Variants in NTNG1 observed in about 807,000 individuals in gnomAD.
NTNG1 encodes the protein netrin-G1.
NTNG1 carries 16 observed loss-of-function variants against 54.0 expected under a neutral mutation model. That is an observed-to-expected ratio of 0.30 (90% CI 0.20 to 0.45). The LOEUF (loss-of-function observed/expected upper bound fraction) is 0.45, where lower values mean the gene tolerates loss of function less well. Among genes scored for constraint, NTNG1 ranks in the 20% least tolerant of loss-of-function variants. The pLI, the probability that NTNG1 is intolerant of heterozygous loss-of-function variation, is 1.00. For missense variants in NTNG1, 530 were observed against 678.7 expected, an observed-to-expected ratio of 0.78 and a Z score of 2.43; for synonymous variants, 255 against 263.1, an observed-to-expected ratio of 0.97 and a Z score of 0.30.
At chr1:107,470,068 T>TAAAAAA in intron 7 of NTNG1, among the ~76,000 whole-genome samples, 1 of 152,134 alleles carries the variant, frequency 6.6e-6, no homozygotes, top group Non-Finnish European at 1.5e-5. Context: ...CTCTGATGGT[T>TAAAAAA]CCATTCACAT....
intron 2 of NTNG1, among the ~76,000 whole-genome samples, chr1:107,284,305 G>A (rs957001624): frequency 6.6e-6 from 1 of 152,090 alleles, no homozygotes; most frequent in African/African-American, 2.4e-5. Flanking sequence ...AACATCAGGA[G>A]AATTTGGGCC....
chr1:107,421,058 C>G (rs754828477), intron 5 of NTNG1: 3 of 1,553,798 alleles, frequency 1.9e-6, no homozygotes, highest in Non-Finnish European at 2.7e-6. Context: ...TTCTAATTTA[C>G]TGTTCATTCT....
At chr1:107,184,597 T>C (rs1657314642) in intron 2 of NTNG1, among the ~76,000 whole-genome samples, 1 of 152,134 alleles carries the variant, frequency 6.6e-6, no homozygotes, top group Admixed American at 6.5e-5. Context: ...TCAATTTATA[T>C]ATCCACTACA....
intron 2 of NTNG1, among the ~76,000 whole-genome samples, chr1:107,201,040 AT>A (rs566368851): frequency 6.6e-6 from 1 of 151,720 alleles, no homozygotes; most frequent in Non-Finnish European, 1.5e-5. Context: ...AATTTTTTCA[AT>A]TTTTTTAAAA....
intron 1 of NTNG1, among the ~76,000 whole-genome samples, chr1:107,144,104 A>G (rs1653937286): frequency 6.6e-6 from 1 of 152,158 alleles, no homozygotes; most frequent in Admixed American, 6.5e-5. Flanking sequence ...TAAGTTGACT[A>G]GAAAATGCTT....
chr1:107,162,948 A>G (rs1215375034), intron 2 of NTNG1, among the ~76,000 whole-genome samples: 1 of 152,192 alleles, frequency 6.6e-6, no homozygotes, highest in Admixed American at 6.5e-5. Context: ...GTGTAACTGT[A>G]ATAAATTTGG....
At chr1:107,210,858 TC>T (rs1659553466) in intron 2 of NTNG1, among the ~76,000 whole-genome samples, 2 of 152,134 alleles carry the variant, frequency 1.3e-5, no homozygotes, top group African/African-American at 4.8e-5. Flanking sequence ...AGCAGTTCCT[TC>T]CATGTTCCTG....
chr1:107,141,189 C>CG (rs1474336303), intron 1 of NTNG1, 49 bp downstream of exon 1: 1 of 151,904 alleles, frequency 6.6e-6, no homozygotes, highest in African/African-American at 2.4e-5. Context: ...TCTCGGTCCT[C>CG]GGGGTCCTCT....
At chr1:107,264,602 T>C (rs1663606563) in intron 2 of NTNG1, among the ~76,000 whole-genome samples, 1 of 152,264 alleles carries the variant, frequency 6.6e-6, no homozygotes, top group South Asian at 2.1e-4. Flanking sequence ...CCATAGCTCC[T>C]TGTGCTTATT....
chr1:107,173,460 C>A (rs1316137099), intron 2 of NTNG1, among the ~76,000 whole-genome samples: 1 of 152,026 alleles, frequency 6.6e-6, no homozygotes, highest in Non-Finnish European at 1.5e-5. Flanking sequence ...AAGGATTGGG[C>A]CTAAATTTCT....
chr1:107,407,036 G>T (rs1227768526), intron 4 of NTNG1, among the ~76,000 whole-genome samples: 2 of 152,156 alleles, frequency 1.3e-5, no homozygotes, highest in Non-Finnish European at 2.9e-5. Flanking sequence ...TAAAGTGAAA[G>T]CTGAAAAATC....
intron 3 of NTNG1, among the ~76,000 whole-genome samples, chr1:107,341,283 T>C (rs531161848): frequency 2.2e-4 from 34 of 152,228 alleles, no homozygotes; most frequent in African/African-American, 7.5e-4. Context: ...TTATATTAAT[T>C]CTACTATATA....
At chr1:107,477,186 CTCTGAA>C (rs1286318598) in intron 7 of NTNG1, among the ~76,000 whole-genome samples, 2 of 152,184 alleles carry the variant, frequency 1.3e-5, no homozygotes, top group Non-Finnish European at 2.9e-5. Flanking sequence ...CTGCAGCTGC[CTCTGAA>C]ATGCTGAGTA....
intron 2 of NTNG1, among the ~76,000 whole-genome samples, chr1:107,176,539 A>T (rs1656663374): frequency 1.3e-5 from 2 of 152,158 alleles, no homozygotes; most frequent in Admixed American, 6.5e-5. Flanking sequence ...ATCTGACAGG[A>T]TGAACTGCAT....
rs115684641 is a variant in NTNG1 at position 107,342,885 on chromosome 1, C to T, written c.887+17963C>T. Among the ~76,000 whole-genome samples, 899 of 152,190 alleles carry T rather than the reference C, an allele frequency of 5.9e-3. 5 individuals are homozygous for T. The highest frequency in any genetic ancestry group is 9.4e-3 in the Non-Finnish European group (637 of 67,990). ...AATCAAACGATCCTCTCCAGAATAT[C>T]TTTGCTAACATGGATAAGACACACT... is the stretch of plus-strand genomic sequence containing the variant. On this transcript the variant is annotated intron_variant, in intron 3 of 7. Coordinates refer to ENST00000370068, the MANE Select transcript of NTNG1 (RefSeq NM_001113226.3).
intron 3 of NTNG1, among the ~76,000 whole-genome samples, chr1:107,380,472 G>A (rs12724090): frequency 0.11 from 16,627 of 152,064 alleles, 1,162 homozygotes; most frequent in Non-Finnish European, 0.16. Flanking sequence ...CTGTAAAATA[G>A]GGATAGTGAT....
At chr1:107,310,669 AAT>A (rs1666954963) in intron 2 of NTNG1, among the ~76,000 whole-genome samples, 2 of 152,100 alleles carry the variant, frequency 1.3e-5, no homozygotes, top group Admixed American at 1.3e-4. Flanking sequence ...GGATTTAGAG[AAT>A]ATATATCTCA....
intron 2 of NTNG1, among the ~76,000 whole-genome samples, chr1:107,292,624 A>G (rs1371256614): frequency 1.3e-5 from 2 of 152,158 alleles, no homozygotes; most frequent in Non-Finnish European, 2.9e-5. Context: ...ACACATGCTC[A>G]CTAAGAGGCA....
At chr1:107,291,946 T>G (rs1283713025) in intron 2 of NTNG1, among the ~76,000 whole-genome samples, 1 of 151,958 alleles carries the variant, frequency 6.6e-6, no homozygotes, top group African/African-American at 2.4e-5. Flanking sequence ...CTCTTTCAAA[T>G]TAACAATTAT....
Sources: allele counts gnomAD v4.1 joint callset (sites outside exome capture counted in the v4.1 genomes callset), GRCh38; gene constraint gnomAD v4.1.1; transcripts MANE v1.5; gene names NCBI Gene and HGNC (gene_info 2026-07-23, HGNC 2026-07-21).